Variants in NTM observed in about 807,000 individuals in gnomAD.
NTM encodes the protein neurotrimin, also known as IgLON family member 2.
In NTM, 13 loss-of-function variants were observed where a neutral mutation model predicts 42.1. The observed-to-expected ratio is 0.31, with a 90% confidence interval of 0.20 to 0.49. NTM has a LOEUF of 0.49. NTM is among the 20% of genes least tolerant of loss of function. The probability of loss-of-function intolerance (pLI) is 0.99; values close to 1 mark genes in which losing one functional copy is unlikely to be tolerated. For synonymous variants in NTM, 187 were observed against 179.2 expected (o/e 1.04, Z -0.35); for missense variants, 373 against 452.8 (o/e 0.82, Z 1.60).
chr11:132,100,438 A>G (rs529306024), intron 2 of NTM, among the ~76,000 whole-genome samples: 49 of 152,334 alleles, frequency 3.2e-4, no homozygotes, highest in South Asian at 1.0e-3. Flanking sequence ...GATCCAGCAG[A>G]TTGAATTTGC....
chr11:132,021,648 AT>A (rs2074355649), intron 2 of NTM, among the ~76,000 whole-genome samples: 1 of 151,900 alleles, frequency 6.6e-6, no homozygotes, highest in Admixed American at 6.6e-5. Flanking sequence ...ATGTTTTTAA[AT>A]TTTCTTTAAT....
intron 2 of NTM, among the ~76,000 whole-genome samples, chr11:131,934,733 C>A (rs934746449): frequency 3.3e-5 from 5 of 152,072 alleles, no homozygotes; most frequent in African/African-American, 1.2e-4. Flanking sequence ...GCTGGCCCAG[C>A]AAGGATCTGA....
chr11:131,668,221 C>A (rs2069431266), intron 1 of NTM, among the ~76,000 whole-genome samples: 1 of 151,594 alleles, frequency 6.6e-6, no homozygotes, highest in Non-Finnish European at 1.5e-5. Flanking sequence ...CACTTTGTGT[C>A]ATGCATATAT....
chr11:131,994,877 C>T (rs187519574), intron 2 of NTM, among the ~76,000 whole-genome samples: 73 of 152,302 alleles, frequency 4.8e-4, no homozygotes, highest in African/African-American at 1.7e-3. Flanking sequence ...TACTCCTAAA[C>T]TCATTATGCA....
At chr11:131,495,015 G>A (rs974326789) in intron 1 of NTM, among the ~76,000 whole-genome samples, 4 of 152,300 alleles carry the variant, frequency 2.6e-5, no homozygotes, top group East Asian at 1.9e-4. Flanking sequence ...GGTATTTGGA[G>A]GAAATTTGGA....
At chr11:132,021,716 G>A (rs2074364840) in intron 2 of NTM, among the ~76,000 whole-genome samples, 1 of 152,174 alleles carries the variant, frequency 6.6e-6, no homozygotes, top group Non-Finnish European at 1.5e-5. Context: ...CCCCAGGACT[G>A]AGTTGACATC....
At chr11:131,990,108 G>A (rs897401268) in intron 2 of NTM, among the ~76,000 whole-genome samples, 3 of 152,060 alleles carry the variant, frequency 2.0e-5, no homozygotes, top group South Asian at 2.1e-4. Context: ...ACATTTGGCA[G>A]AATAAATTTT....
intron 4 of NTM, among the ~76,000 whole-genome samples, chr11:132,293,347 GC>G (rs1052954171): frequency 6.6e-6 from 1 of 152,190 alleles, no homozygotes; most frequent in African/African-American, 2.4e-5. Flanking sequence ...AAATTGGGTA[GC>G]CCCCACTTGA....
At chr11:132,148,820 AG>A (rs2071192484) in intron 3 of NTM, among the ~76,000 whole-genome samples, 1 of 152,012 alleles carries the variant, frequency 6.6e-6, no homozygotes, top group South Asian at 2.1e-4. Context: ...AGATGATGGG[AG>A]GGGGTGAGAG....
At chr11:131,764,280 G>A (rs1402164444) in intron 1 of NTM, among the ~76,000 whole-genome samples, 2 of 152,116 alleles carry the variant, frequency 1.3e-5, no homozygotes, top group Admixed American at 1.3e-4. Flanking sequence ...GACTTTACCT[G>A]GCAAAGCTGT....
chr11:132,080,610 C>T (rs117234132), intron 2 of NTM, among the ~76,000 whole-genome samples: 1 of 152,224 alleles, frequency 6.6e-6, no homozygotes, highest in Non-Finnish European at 1.5e-5. Context: ...TACATTTCAT[C>T]TCTGTATTCC....
rs528368818 is a variant in NTM, at chr11:132,002,954, A to C, written c.167+91306A>C. 1.3e-5 allele frequency among the ~76,000 whole-genome samples: 2 copies of C among 151,282 alleles called. No individual in the cohort carries two copies. Among genetic ancestry groups the C allele is most frequent in the South Asian group, 4.1e-4 (2 of 4,828 alleles). ...CTATTAAAAAAGAGGAAACAGGAAA[A>C]ACCTTTGTCTTCAAGAAGCTTTTAC... On this transcript the variant is annotated intron_variant, in intron 2 of 8. Transcript: ENST00000683400. This position sits in a 1 kb window ranked among gnomAD's most constrained non-coding sequence, Gnocchi z 4.5.
At chr11:131,552,153 G>T (rs1473684765) in intron 1 of NTM, among the ~76,000 whole-genome samples, 1 of 152,102 alleles carries the variant, frequency 6.6e-6, no homozygotes, top group South Asian at 2.1e-4. Flanking sequence ...GAGCTGGAAG[G>T]GAGAGAGACA....
chr11:131,610,605 C>G (rs1021731880), intron 1 of NTM, among the ~76,000 whole-genome samples: 2 of 152,124 alleles, frequency 1.3e-5, no homozygotes, highest in African/African-American at 4.8e-5. Context: ...AGATGATAAC[C>G]TGACTTAGGG....
At chr11:132,250,577 T>C (rs954758666) in intron 4 of NTM, among the ~76,000 whole-genome samples, 1 of 151,988 alleles carries the variant, frequency 6.6e-6, no homozygotes, top group African/African-American at 2.4e-5. Context: ...TTCATCTCTT[T>C]GTCTCTTCAC....
At position 132,314,762 on chromosome 11, in the gene NTM, G is replaced by T. The variant is rs777918689; in HGVS notation, c.934+59G>T. 16 of 1,521,050 alleles carry T rather than the reference G, an allele frequency of 1.1e-5. No homozygotes were observed. The Admixed American group carries it at 1.4e-4, about 14-fold the overall frequency. The allele number at this position is 1,521,050 out of a possible 1,614,324, so 94.2% of individuals were successfully genotyped here. A position where few individuals can be genotyped will look rare whatever the true frequency, so the allele number is the denominator to read the frequency against. On this transcript the variant is annotated intron_variant, in intron 7 of 8. Transcript: ENST00000683400. ...GGAGAGGGTGCAGAACGGGAGAGCT[G>T]GGTGGGAGGGCCCCTCAAGGCCAGG...
chr11:132,267,380 T>G (rs1304528144), intron 4 of NTM, among the ~76,000 whole-genome samples: 4 of 152,164 alleles, frequency 2.6e-5, no homozygotes, highest in Non-Finnish European at 5.9e-5. Flanking sequence ...TCTCTTTAAA[T>G]CTACTGAAAT....
intron 1 of NTM, among the ~76,000 whole-genome samples, chr11:131,468,524 T>A (rs1406625907): frequency 1.3e-5 from 2 of 152,204 alleles, no homozygotes; most frequent in Non-Finnish European, 2.9e-5. Flanking sequence ...ATATGCAGAG[T>A]AATTGCTTTG....
At chr11:131,525,867 A>G (rs892916846) in intron 1 of NTM, among the ~76,000 whole-genome samples, 3 of 152,184 alleles carry the variant, frequency 2.0e-5, no homozygotes, top group African/African-American at 4.8e-5. Flanking sequence ...GTGTGCATGT[A>G]TATATACATA....
Sources: gnomAD v4.1 joint callset for allele counts (sites outside exome capture counted in the v4.1 genomes callset) on GRCh38, gnomAD v4.1.1 for gene constraint, Gnocchi (gnomAD v3.1) non-coding constraint, MANE v1.5 for transcripts, NCBI Gene and HGNC (gene_info 2026-07-23, HGNC 2026-07-21) for gene names.